Variants in TENM2 observed in about 807,000 individuals in gnomAD.
TENM2 encodes the protein teneurin-2.
In TENM2, 52 loss-of-function variants were observed where a neutral mutation model predicts 245.2. The ratio of observed to expected loss-of-function variants is 0.21; its 90% CI spans 0.17 to 0.27. The LOEUF (loss-of-function observed/expected upper bound fraction) is 0.27. TENM2 is among the 10% of genes least tolerant of loss of function. TENM2 has a pLI of 1.00. For synonymous variants in TENM2, 1,363 were observed against 1,438.9 expected (o/e 0.95, Z 1.19); for missense variants, 3,046 against 3,666.8 (o/e 0.83, Z 4.37).
chr5:167,085,034 A>G, the TENM2 span, among the ~76,000 whole-genome samples: 1 of 152,184 alleles, frequency 6.6e-6, no homozygotes. Flanking sequence ...ACTCTTTTGC[A>G]TCCTTGAAGG....
chr5:168,162,534 C>A, intron 12 of TENM2, 77 bp from the exon 15 acceptor site: 1 of 1,517,090 alleles, frequency 6.6e-7, no homozygotes. Flanking sequence ...CGGCCTTGCT[C>A]CCCTCTGCAT....
At chr5:167,999,675 C>T (rs1214454023) in intron 5 of TENM2, among the ~76,000 whole-genome samples, 2 of 152,210 alleles carry the variant, frequency 1.3e-5, no homozygotes, top group Non-Finnish European at 2.9e-5. Flanking sequence ...ATCTGGGGGA[C>T]TTGAAGTGCT....
At chr5:167,123,267 C>A in the TENM2 span, among the ~76,000 whole-genome samples, 1 of 152,170 alleles carries the variant, frequency 6.6e-6, no homozygotes, top group African/African-American at 2.4e-5. Context: ...TTGCGGTGAG[C>A]CAAGATCGTG....
intron 2 of TENM2, among the ~76,000 whole-genome samples, chr5:167,684,357 T>C (rs1280358622): frequency 6.6e-6 from 1 of 152,224 alleles, no homozygotes; most frequent in Non-Finnish European, 1.5e-5. Context: ...GACTCTCAGT[T>C]CATTCTCTGT....
chr5:167,360,480 A>G (rs1392976061), intron 1 of TENM2, among the ~76,000 whole-genome samples: 1 of 152,070 alleles, frequency 6.6e-6, no homozygotes, highest in Non-Finnish European at 1.5e-5. Flanking sequence ...TTTAGGTTCT[A>G]TGTCTCTTCT....
intron 25 of TENM2, among the ~76,000 whole-genome samples, chr5:168,229,033 CATTAT>C (rs1764566072): frequency 6.8e-6 from 1 of 147,268 alleles, no homozygotes; most frequent in South Asian, 2.1e-4. Flanking sequence ...ATATACATTA[CATTAT>C]ATATAATTAC....
At chr5:167,830,398 T>C (rs1316371003) in intron 2 of TENM2, among the ~76,000 whole-genome samples, 1 of 152,232 alleles carries the variant, frequency 6.6e-6, no homozygotes, top group African/African-American at 2.4e-5. Context: ...TCTAACAAGT[T>C]AGAACTAATA....
the TENM2 span, among the ~76,000 whole-genome samples, chr5:167,276,352 T>TTG: frequency 0.027 from 935 of 34,190 alleles, 9 homozygotes; most frequent in Middle Eastern, 0.11. Flanking sequence ...CCTGTTCATT[T>TTG]TGTGTGTGTG....
At chr5:167,057,263 C>G in the TENM2 span, among the ~76,000 whole-genome samples, 1 of 152,038 alleles carries the variant, frequency 6.6e-6, no homozygotes, top group African/African-American at 2.4e-5. Flanking sequence ...CTGTTAAGAT[C>G]CTTAGCTTAT....
At chr5:167,593,624 A>C (rs1776019284) in intron 2 of TENM2, among the ~76,000 whole-genome samples, 2 of 152,236 alleles carry the variant, frequency 1.3e-5, no homozygotes, top group Admixed American at 1.3e-4. Context: ...ATTGAGAGCT[A>C]AATTAAAGTT....
At chr5:167,013,451 A>T in the TENM2 span, among the ~76,000 whole-genome samples, 4 of 152,220 alleles carry the variant, frequency 2.6e-5, no homozygotes. Context: ...TAAATGAAAG[A>T]AATGAACAGA....
intron 2 of TENM2, among the ~76,000 whole-genome samples, chr5:167,719,027 A>T (rs1013074434): frequency 6.6e-6 from 1 of 152,182 alleles, no homozygotes; most frequent in Non-Finnish European, 1.5e-5. Flanking sequence ...CTGATGTTGA[A>T]CTCAATCCAT....
chr5:167,261,728 A>G, the TENM2 span, among the ~76,000 whole-genome samples: 7 of 152,340 alleles, frequency 4.6e-5, no homozygotes, highest in African/African-American at 1.4e-4. Flanking sequence ...CTTCCCCCAC[A>G]GGGATCTTTT....
intron 7 of TENM2, among the ~76,000 whole-genome samples, chr5:168,069,451 A>T (rs1790791638): frequency 6.6e-6 from 1 of 152,218 alleles, no homozygotes. Flanking sequence ...TTAATCATTC[A>T]TCCGAGCTCT....
intron 25 of TENM2, among the ~76,000 whole-genome samples, chr5:168,243,122 C>T (rs918971925): frequency 6.6e-6 from 1 of 152,154 alleles, no homozygotes; most frequent in Non-Finnish European, 1.5e-5. Flanking sequence ...GCAGCCACCC[C>T]AGGGATGTCT....
intron 2 of TENM2, among the ~76,000 whole-genome samples, chr5:167,601,383 A>C (rs190135890): frequency 6.6e-6 from 1 of 152,270 alleles, no homozygotes; most frequent in African/African-American, 2.4e-5. Context: ...TTAAACTGCC[A>C]CAAGTGGCAA....
In TENM2 at chr5:167,615,491, T is replaced by C. The variant is rs537357926; in HGVS notation, c.502+240018T>C. 3.9e-5 allele frequency among the ~76,000 whole-genome samples: 6 copies of C among 152,288 alleles called. No individual in the cohort carries two copies. The South Asian group carries it at 8.3e-4, about 21-fold the overall frequency. On this transcript the variant is annotated intron_variant, in intron 2 of 28. Coordinates refer to ENST00000518659, the Ensembl canonical transcript of TENM2. ...CCTTTGTTAGTTGTTATTTATTGTA[T>C]TTTTTACCTCTGCAAAAATACACAG...
At chr5:167,747,576 G>A (rs137936279) in intron 2 of TENM2, among the ~76,000 whole-genome samples, 57 of 152,234 alleles carry the variant, frequency 3.7e-4, no homozygotes, top group African/African-American at 1.1e-3. Flanking sequence ...GCCACATTTC[G>A]GTAACATTGA....
chr5:167,377,387 A>C lies in TENM2; in HGVS notation c.502+1914A>C, dbSNP rs79262706. Among the ~76,000 whole-genome samples, 199 of 152,318 alleles carry C rather than the reference A, an allele frequency of 1.3e-3. 5 individuals are homozygous for C. The East Asian group carries it at 0.032, about 25-fold the overall frequency. ...CATGAAGAGAAATGTACTTAGAAGC[A>C]CTAAGCAACTCTGTATGTGAGTGTG... is the stretch of plus-strand genomic sequence containing the variant. On this transcript the variant is annotated intron_variant, in intron 2 of 28. Transcript: ENST00000518659.
Sources: allele counts gnomAD v4.1 joint callset (sites outside exome capture counted in the v4.1 genomes callset), GRCh38; gene constraint gnomAD v4.1.1; transcripts MANE v1.5; gene names NCBI Gene and HGNC (gene_info 2026-07-23, HGNC 2026-07-21).